MAP3K20: variants seen among roughly 807,000 people sequenced by gnomAD.
The protein encoded by MAP3K20 is mitogen-activated protein kinase kinase kinase 20, also known as HCCS-4.
A neutral mutation model predicts 85.7 loss-of-function variants in MAP3K20; 40 were observed. The ratio of observed to expected loss-of-function variants is 0.47; its 90% CI spans 0.36 to 0.61. MAP3K20 has a LOEUF of 0.61. Ranked by LOEUF, MAP3K20 falls within the 20% of genes least tolerant of loss-of-function variation. The probability of loss-of-function intolerance (pLI) is 0.00; values close to 1 mark genes in which losing one functional copy is unlikely to be tolerated. For synonymous variants in MAP3K20, 325 were observed against 327.7 expected (o/e 0.99, Z 0.09); for missense variants, 817 against 961.7 (o/e 0.85, Z 1.99).
intron 11 of MAP3K20, among the ~76,000 whole-genome samples, chr2:173,228,666 T>C (rs4972537): frequency 0.99 from 151,025 of 152,280 alleles, 74,906 homozygotes; most frequent in Middle Eastern, 1. Flanking sequence ...ACTGTATTAG[T>C]CCCAGTTAAA....
At chr2:173,079,866 G>A (rs1686966677) in intron 1 of MAP3K20, among the ~76,000 whole-genome samples, 1 of 151,504 alleles carries the variant, frequency 6.6e-6, no homozygotes, top group African/African-American at 2.4e-5. Context: ...GACACCTCCT[G>A]AAGGACCTGC....
chr2:173,209,926 G>A (rs1297407293), intron 10 of MAP3K20, 91 bp downstream of exon 10: 14 of 1,174,084 alleles, frequency 1.2e-5, no homozygotes, highest in Non-Finnish European at 1.5e-5. Context: ...CTGAATGACA[G>A]TCCTGATTTC....
intron 9 of MAP3K20, among the ~76,000 whole-genome samples, chr2:173,208,776 C>T (rs1228890442): frequency 6.6e-6 from 1 of 152,198 alleles, no homozygotes; most frequent in African/African-American, 2.4e-5. Flanking sequence ...AATTAAAATG[C>T]ATGTTTTAAT....
rs535362178 is a variant in MAP3K20 at position 173,095,403 on chromosome 2, T to C, written c.159+4213T>C. On this transcript the variant is annotated intron_variant, in intron 2 of 19. Coordinates refer to ENST00000375213, the MANE Select transcript of MAP3K20 (RefSeq NM_016653.3). ...ATTTGGGTACTAGGATTGTTTACTTTAGACTTTTTTAAAAAGAACATTGTC... is the reference window on the plus strand; with the variant it reads ...ATTTGGGTACTAGGATTGTTTACTTCAGACTTTTTTAAAAAGAACATTGTC... Among the ~76,000 whole-genome samples, 28 of 137,532 alleles carry C rather than the reference T, an allele frequency of 2.0e-4. No individual in the cohort carries two copies. In the East Asian group the frequency reaches 5.7e-3, roughly 28 times the overall value. The allele number at this position is 137,532 out of a possible 152,430, so 90.2% of individuals were successfully genotyped here.
rs546679030 is a variant in MAP3K20, at chr2:173,195,100, G to C, written c.583-2926G>C. Reference sequence around the variant, plus strand: ...AACTCTTGGAGGACTGAACCTGGAAGAGTGTTTAGTATGTTATCCACAAAA... The same window carrying C: ...AACTCTTGGAGGACTGAACCTGGAACAGTGTTTAGTATGTTATCCACAAAA... On this transcript the variant is annotated intron_variant, in intron 7 of 19. Transcript: ENST00000375213. 6.0e-5 allele frequency among the ~76,000 whole-genome samples: 9 copies of C among 149,708 alleles called. No homozygotes were observed. In the East Asian group the frequency reaches 1.6e-3, roughly 26 times the overall value.
intron 19 of MAP3K20, among the ~76,000 whole-genome samples, chr2:173,264,935 A>G (rs1239209535): frequency 6.6e-6 from 1 of 152,224 alleles, no homozygotes; most frequent in Non-Finnish European, 1.5e-5. Context: ...ACAGTTACAG[A>G]GATCCGCGCA....
intron 2 of MAP3K20, among the ~76,000 whole-genome samples, chr2:173,117,146 A>G (rs1033616330): frequency 4.6e-5 from 7 of 152,266 alleles, no homozygotes; most frequent in African/African-American, 1.4e-4. Context: ...ATTAAATAAA[A>G]AAGAATTGGT....
intron 2 of MAP3K20, among the ~76,000 whole-genome samples, chr2:173,100,992 A>AT (rs1687622900): frequency 6.6e-6 from 1 of 152,214 alleles, no homozygotes; most frequent in Admixed American, 6.5e-5. Flanking sequence ...TAAAGGTGTT[A>AT]GAGGAAATTG....
chr2:173,098,567 C>T (rs1687532531), intron 2 of MAP3K20, among the ~76,000 whole-genome samples: 1 of 152,146 alleles, frequency 6.6e-6, no homozygotes, highest in Non-Finnish European at 1.5e-5. Context: ...TGTATATATG[C>T]AAATATTCCA....
intron 11 of MAP3K20, chr2:173,224,206 G>A: frequency 5.2e-6 from 5 of 968,572 alleles, no homozygotes; most frequent in Non-Finnish European, 6.1e-6. Context: ...GGTCAGGAAA[G>A]GCCCCACTGA....
chr2:173,150,226 A>T (rs1252471118), intron 2 of MAP3K20, among the ~76,000 whole-genome samples: 2 of 152,238 alleles, frequency 1.3e-5, no homozygotes, highest in African/African-American at 4.8e-5. Context: ...TTTATTTTTT[A>T]AAATAGCAGG....
chr2:173,263,748 G>T lies in MAP3K20; in HGVS notation c.1555G>T (p.Asp519Tyr). Residue 519 changes from aspartate (D) to tyrosine (Y), a missense_variant, in exon 19 of 20, where the codon GAT becomes TAT. This residue lies in a region of MAP3K20 where 454 missense variants were observed against 476.9 expected (regional missense o/e 0.95). Coordinates refer to ENST00000375213, the MANE Select transcript of MAP3K20 (RefSeq NM_016653.3). ...TTTCGTTTGTTTGTTTTACCAGAGT[G>T]ATGTTAGAACTCCAAAAAGCACTAA... ...TVECTVTYES[D>Y]VRTPKSTKHV... 6.2e-7 allele frequency: 1 copy of T among 1,606,278 alleles called. No homozygotes were observed. Among genetic ancestry groups the T allele is most frequent in the Non-Finnish European group, 8.5e-7 (1 of 1,177,960 alleles).
intron 2 of MAP3K20, among the ~76,000 whole-genome samples, chr2:173,095,292 C>G (rs2106153444): frequency 1.3e-5 from 2 of 152,112 alleles, no homozygotes; most frequent in East Asian, 1.9e-4. Flanking sequence ...TCATCTAGTT[C>G]CTGTCTCATT....
intron 2 of MAP3K20, among the ~76,000 whole-genome samples, chr2:173,119,737 T>TC (rs1311590834): frequency 6.6e-6 from 1 of 152,222 alleles, no homozygotes; most frequent in African/African-American, 2.4e-5. Flanking sequence ...TTCTATTTTT[T>TC]CACCTATGAT....
In MAP3K20 at chr2:173,137,146, C is replaced by T. The variant is rs555769608; in HGVS notation, c.160-32659C>T. The stretch of plus-strand genomic sequence containing the variant: ...TGCTTTCCTGTGTGTTTGTAGCTGG[C>T]GAGTGTTAAAGCGTTAGATTTGATT... On this transcript the variant is annotated intron_variant, in intron 2 of 19. Transcript: ENST00000375213. 7.9e-5 allele frequency among the ~76,000 whole-genome samples: 12 copies of T among 152,206 alleles called. No individual in the cohort carries two copies. In the South Asian group the frequency reaches 1.7e-3, roughly 21 times the overall value.
chr2:173,200,180 A>C (rs979195175), intron 8 of MAP3K20, among the ~76,000 whole-genome samples: 7 of 152,234 alleles, frequency 4.6e-5, no homozygotes, highest in Non-Finnish European at 1.0e-4. Context: ...CATTCTGTAC[A>C]ATATTTATTT....
In MAP3K20 at chr2:173,221,494, TGAG is replaced by T. The variant is rs755720107; in HGVS notation, c.987+4253_987+4255del. ...GTGACGATGATGATGATGATGACGG[TGAG>T]GAGGAGGATAATGACATGGATAATA... On this transcript the variant is annotated intron_variant, in intron 11 of 19. Transcript: ENST00000375213. The T allele has an allele frequency of 1.2e-5, 20 of 1,603,762 alleles. No individual in the cohort carries two copies. In the Admixed American group the frequency reaches 2.9e-4, roughly 23 times the overall value.
At chr2:173,089,617 C>G (rs1359469486) in intron 1 of MAP3K20, among the ~76,000 whole-genome samples, 1 of 150,980 alleles carries the variant, frequency 6.6e-6, no homozygotes, top group South Asian at 2.1e-4. Context: ...GAGTCTCGCT[C>G]TGTTGCCCAG....
chr2:173,167,768 G>A (rs1033704764), intron 2 of MAP3K20, among the ~76,000 whole-genome samples: 1 of 152,066 alleles, frequency 6.6e-6, no homozygotes, highest in African/African-American at 2.4e-5. Context: ...AAACTAGCTG[G>A]CACACTGAAA....
Sources: allele counts gnomAD v4.1 joint callset (sites outside exome capture counted in the v4.1 genomes callset), GRCh38; gene constraint gnomAD v4.1.1; regional missense constraint gnomAD v4.1.1; transcripts MANE v1.5; gene names NCBI Gene and HGNC (gene_info 2026-07-23, HGNC 2026-07-21).